Variants in NDEL1 observed in about 807,000 individuals in gnomAD.
NDEL1 encodes the protein nuclear distribution protein nudE-like 1.
A neutral mutation model predicts 45.7 loss-of-function variants in NDEL1; 9 were observed. The ratio of observed to expected loss-of-function variants is 0.20; its 90% CI spans 0.12 to 0.34. The LOEUF (loss-of-function observed/expected upper bound fraction) is 0.34, where lower values mean the gene tolerates loss of function less well. Ranked by LOEUF, NDEL1 falls within the 10% of genes least tolerant of loss-of-function variation. NDEL1 has a pLI of 1.00. For synonymous variants in NDEL1, 133 were observed against 158.6 expected (o/e 0.84, Z 1.21); for missense variants, 306 against 406.2 (o/e 0.75, Z 2.12).
intron 5 of NDEL1, 74 bp from the exon 6 acceptor site, chr17:8,450,706 T>A: frequency 7.7e-7 from 1 of 1,296,698 alleles, no homozygotes; most frequent in Admixed American, 2.7e-5. Context: ...TTTATGACAT[T>A]TTAGATGTCA....
chr17:8,439,634 A>G (rs980772956), intron 1 of NDEL1, among the ~76,000 whole-genome samples: 1 of 152,178 alleles, frequency 6.6e-6, no homozygotes, highest in Non-Finnish European at 1.5e-5. Context: ...TTTTTCAGCA[A>G]TGGTGATATC....
intron 1 of NDEL1, among the ~76,000 whole-genome samples, chr17:8,415,954 G>T (rs546526136): frequency 1.3e-5 from 2 of 152,126 alleles, no homozygotes; most frequent in South Asian, 4.2e-4. Context: ...TCACCATGAT[G>T]GCCAGGCTGG....
intron 2 of NDEL1, among the ~76,000 whole-genome samples, chr17:8,445,376 G>A (rs1910014298): frequency 6.6e-6 from 1 of 152,138 alleles, no homozygotes; most frequent in Non-Finnish European, 1.5e-5. Context: ...TGTTGAATAT[G>A]GTAGAAGGAA....
chr17:8,456,279 A>C (rs928974589), intron 7 of NDEL1, among the ~76,000 whole-genome samples: 1 of 152,216 alleles, frequency 6.6e-6, no homozygotes, highest in Non-Finnish European at 1.5e-5. Flanking sequence ...CCTACAGTAC[A>C]TAGAGTAATC....
chr17:8,433,020 C>T (rs186528382), upstream of NDEL1, among the ~76,000 whole-genome samples: 3 of 152,088 alleles, frequency 2.0e-5, no homozygotes, highest in East Asian at 5.8e-4. Flanking sequence ...GACTGGACTA[C>T]TTCCATCTCT....
exon 1 of NDEL1, chr17:8,413,191 A>T (rs749952920): frequency 1.1e-4 from 17 of 152,196 alleles, no homozygotes; most frequent in African/African-American, 4.1e-4. Flanking sequence ...ATTGACTTCT[A>T]CTTTGTGTCA....
rs2151715287 is a variant in NDEL1, at chr17:8,444,325, T to C, written c.54T>C (p.Tyr18=). ...CAAGTTTAAAGGAGGAAACTGCTTA[T>C]TGGAAGGAACTTTCCTTGAAGTATA... ...DFSSLKEETA[Y]WKELSLKYKQ... is the part of the protein sequence containing the mutation. Residue 18 remains tyrosine, a synonymous_variant, in exon 2 of 9, where the codon TAT becomes TAC. Coordinates refer to ENST00000334527, the MANE Select transcript of NDEL1 (RefSeq NM_030808.5). The C allele has an allele frequency of 6.2e-7, 1 of 1,613,470 alleles. No individual in the cohort carries two copies. Among genetic ancestry groups the C allele is most frequent in the East Asian group, 2.2e-5 (1 of 44,830 alleles).
At chr17:8,456,650 C>A (rs1910867465) in intron 7 of NDEL1, among the ~76,000 whole-genome samples, 1 of 152,048 alleles carries the variant, frequency 6.6e-6, no homozygotes, top group Non-Finnish European at 1.5e-5. Flanking sequence ...AGGCACATGC[C>A]ACCACACCTG....
chr17:8,469,843 C>T (rs60611277), downstream of NDEL1, among the ~76,000 whole-genome samples: 2,468 of 150,226 alleles, frequency 0.016, 67 homozygotes, highest in African/African-American at 0.054. Flanking sequence ...AGCTGGCGCC[C>T]GCCGCCATGC....
chr17:8,418,941 T>C (rs1908638498), intron 1 of NDEL1, among the ~76,000 whole-genome samples: 1 of 151,938 alleles, frequency 6.6e-6, no homozygotes, highest in South Asian at 2.1e-4. Flanking sequence ...ATCAACCTCC[T>C]GGGCTCAAGT....
Position 8,448,670 on chromosome 17 carries a change from A to G in NDEL1, c.510A>G (p.Leu170=), listed in dbSNP as rs1333159086. The G allele has an allele frequency of 6.2e-7, 1 of 1,611,882 alleles. No homozygotes were observed. Among genetic ancestry groups the G allele is most frequent in the Middle Eastern group, 1.7e-4 (1 of 6,052 alleles). ...KESLLVSVQR[L]KDEARDLRQE... ...CTTTGTTGGTCTCTGTACAGAGGTTAAAGGATGAAGCAAGAGGTAAAATTT... is the reference window on the plus strand; with the variant it reads ...CTTTGTTGGTCTCTGTACAGAGGTTGAAGGATGAAGCAAGAGGTAAAATTT... Residue 170 remains leucine, a synonymous_variant, in exon 5 of 9, where the codon TTA becomes TTG. Coordinates refer to ENST00000334527, the MANE Select transcript of NDEL1 (RefSeq NM_030808.5).
chr17:8,464,540 G>C (rs907734586), intron 8 of NDEL1: 2 of 152,172 alleles, frequency 1.3e-5, no homozygotes, highest in South Asian at 2.1e-4. Flanking sequence ...CGCTAGGTGA[G>C]ACCCTGGTGG....
intron 6 of NDEL1, among the ~76,000 whole-genome samples, chr17:8,452,740 C>CTTTTTTTTTTTTTTTTTTTTTTTCTTTT: frequency 3.1e-5 from 3 of 95,628 alleles, no homozygotes; most frequent in African/African-American, 4.1e-5. Context: ...TTTTTCTTCT[C>CTTTTTTTTTTTTTTTTTTTTTTTCTTTT]TTTTTTTTTT....
chr17:8,473,306 C>T (rs560085556), intron 3 of NDEL1, among the ~76,000 whole-genome samples: 3 of 152,052 alleles, frequency 2.0e-5, no homozygotes, highest in African/African-American at 2.4e-5. Context: ...CATGCCTCAG[C>T]CCCCCAAGTA....
rs537682343 is a variant in NDEL1 at position 8,447,956 on chromosome 17, A to G, written c.390-594A>G. Among the ~76,000 whole-genome samples the G allele has an allele frequency of 2.7e-5, 3 of 110,884 alleles. No homozygotes were observed. In the East Asian group the frequency reaches 9.4e-4, roughly 35 times the overall value. 72.7% of individuals were successfully genotyped at this position (110,884 alleles called of 152,430 possible). A position where few individuals can be genotyped will look rare whatever the true frequency, so the allele number is the denominator to read the frequency against. ...TGCTCCAGGGCATAGAGGAGGCAGC[A>G]GCCAGATTGGTTGCGGGGAGGTGGG... On this transcript the variant is annotated intron_variant, in intron 4 of 8. Transcript: ENST00000334527.
chr17:8,450,971 T>G lies in NDEL1; in HGVS notation c.700+18T>G, dbSNP rs1910465212. On this transcript the variant is annotated intron_variant, in intron 6 of 8. Transcript: ENST00000334527. The stretch of plus-strand genomic sequence containing the variant: ...ACCGAAAGGTTTGTAATGTCTTTTC[T>G]TTTTGAGGCGATGTGTTAGATGATC... 6.3e-7 allele frequency: 1 copy of G among 1,596,148 alleles called. No homozygotes were observed. Among genetic ancestry groups the G allele is most frequent in the Non-Finnish European group, 8.5e-7 (1 of 1,172,808 alleles).
chr17:8,435,673 G>A (rs1909241853), upstream of NDEL1, among the ~76,000 whole-genome samples: 1 of 152,270 alleles, frequency 6.6e-6, no homozygotes, highest in Non-Finnish European at 1.5e-5. Flanking sequence ...AACTGCACAA[G>A]CCAAAACCAG....
chr17:8,463,178 T>G (rs1911330250), intron 8 of NDEL1: 3 of 594,944 alleles, frequency 5.0e-6, no homozygotes, highest in Non-Finnish European at 9.0e-6. Flanking sequence ...TTATGTAGTT[T>G]CTTAGGTAAC....
intron 3 of NDEL1, 151 bp downstream of exon 3, chr17:8,446,015 G>C: frequency 1.4e-6 from 1 of 721,254 alleles, no homozygotes; most frequent in Non-Finnish European, 2.0e-6. Context: ...TTTCTTTCAC[G>C]GAACCAGGGG....
Sources: allele counts gnomAD v4.1 joint callset (sites outside exome capture counted in the v4.1 genomes callset), GRCh38; gene constraint gnomAD v4.1.1; transcripts MANE v1.5; gene names NCBI Gene and HGNC (gene_info 2026-07-23, HGNC 2026-07-21).